PCDHGA3: variants seen among roughly 807,000 people sequenced by gnomAD.
PCDHGA3 encodes protocadherin gamma-A3.
In PCDHGA3, 40 loss-of-function variants were observed where a neutral mutation model predicts 58.5. The observed-to-expected ratio is 0.68, with a 90% confidence interval of 0.53 to 0.89. The LOEUF is 0.89. Ranked by LOEUF, PCDHGA3 falls within the 40% of genes least tolerant of loss-of-function variation. PCDHGA3 has a pLI of 0.00. For synonymous variants in PCDHGA3, 530 were observed against 525.7 expected (o/e 1.01, Z -0.11); for missense variants, 1,223 against 1,195.9 (o/e 1.02, Z -0.33).
At chr5:141,389,147 G>C (rs530113846) in intron 1 of PCDHGA3, 120 of 1,613,986 alleles carry the variant, frequency 7.4e-5, no homozygotes, top group Admixed American at 4.8e-4. Flanking sequence ...TAACCGTTAC[G>C]GCAACAGATC....
Position 141,477,099 on chromosome 5 carries a change from G to C in PCDHGA3, c.2425-17708G>C. On this transcript the variant is annotated intron_variant, in intron 1 of 3. Transcript: ENST00000253812. This position sits in a 1 kb window ranked among gnomAD's most constrained non-coding sequence, Gnocchi z 4.9. ...ATTTACATCCAGGCCAAAGACAAGG[G>C]CGCCAATCCCGAAGGAGCACATTGC... 6.2e-7 allele frequency: 1 copy of C among 1,614,256 alleles called. No individual in the cohort carries two copies. Among genetic ancestry groups the C allele is most frequent in the Non-Finnish European group, 8.5e-7 (1 of 1,180,054 alleles).
rs994726301 is a variant in PCDHGA3, at chr5:141,476,632, T to C, written c.2425-18175T>C. ...TGGGAAGCAACTCTTTACAAACCTA[T>C]GAGCTGAGCCGAAATGAATACTTTG... On this transcript the variant is annotated intron_variant, in intron 1 of 3. Transcript: ENST00000253812. The surrounding 1 kb of genome is among the most constrained non-coding windows in gnomAD (Gnocchi z 7.6). The C allele has an allele frequency of 8.7e-6, 14 of 1,614,098 alleles. No homozygotes were observed. Among genetic ancestry groups the C allele is most frequent in the Admixed American group, 1.7e-5 (1 of 60,016 alleles).
At chr5:141,437,195 A>G (rs2097867163) in intron 1 of PCDHGA3, among the ~76,000 whole-genome samples, 2 of 152,180 alleles carry the variant, frequency 1.3e-5, no homozygotes, top group African/African-American at 4.8e-5. Context: ...ATGGGTTTGG[A>G]TGTGTTTACA....
intron 1 of PCDHGA3, chr5:141,370,522 G>A: frequency 6.2e-7 from 1 of 1,613,884 alleles, no homozygotes; most frequent in Non-Finnish European, 8.5e-7. Context: ...GAGCTGGACA[G>A]GGGCTCGCTG....
chr5:141,452,278 T>C (rs1047687328), intron 1 of PCDHGA3, among the ~76,000 whole-genome samples: 1 of 152,226 alleles, frequency 6.6e-6, no homozygotes, highest in African/African-American at 2.4e-5. Context: ...AACCCTTTCT[T>C]ACTTTCTGAT....
At chr5:141,371,107 ACC>A in intron 1 of PCDHGA3, 1 of 1,613,650 alleles carries the variant, frequency 6.2e-7, no homozygotes, top group Non-Finnish European at 8.5e-7. Context: ...GCAAATGATA[ACC>A]CCCCAGTATT....
At chr5:141,410,105 A>G in intron 1 of PCDHGA3, 1 of 1,612,376 alleles carries the variant, frequency 6.2e-7, no homozygotes, top group South Asian at 1.1e-5. Context: ...CTTAGGCGAC[A>G]GGGACGCAGC....
chr5:141,495,839 A>G (rs2099764148), intron 2 of PCDHGA3, among the ~76,000 whole-genome samples: 1 of 150,756 alleles, frequency 6.6e-6, no homozygotes, highest in South Asian at 2.1e-4. Flanking sequence ...CCCAGCCTCT[A>G]TGTTTCTCTG....
chr5:141,373,042 T>C (rs1415410484), intron 1 of PCDHGA3, among the ~76,000 whole-genome samples: 6 of 152,218 alleles, frequency 3.9e-5, no homozygotes, highest in African/African-American at 1.4e-4. Context: ...TTCTTAATCC[T>C]AATACACTAT....
chr5:141,414,236 C>T, intron 1 of PCDHGA3: 1 of 1,613,456 alleles, frequency 6.2e-7, no homozygotes. Flanking sequence ...CTGACCATCA[C>T]GTCTCTATTT....
At chr5:141,366,925 T>G in intron 1 of PCDHGA3, 1 of 999,204 alleles carries the variant, frequency 1.0e-6, no homozygotes, top group Non-Finnish European at 1.4e-6. Context: ...TCAAATTCTG[T>G]TTTGGGAAGT....
Position 141,432,647 on chromosome 5 carries a change from C to G in PCDHGA3, c.2425-62160C>G, listed in dbSNP as rs747789886. The G allele has an allele frequency of 1.7e-5, 28 of 1,613,678 alleles. No individual in the cohort carries two copies. In the Admixed American group the frequency reaches 4.5e-4, roughly 26 times the overall value. ...GCACACGGGCGAGGTGCGCACGGCG[C>G]GAGCCCTGCTGGACAGAGACGCGCT... On this transcript the variant is annotated intron_variant, in intron 1 of 3. Coordinates refer to ENST00000253812, the MANE Select transcript of PCDHGA3 (RefSeq NM_018916.4). This position sits in a 1 kb window ranked among gnomAD's most constrained non-coding sequence, Gnocchi z 6.0.
chr5:141,422,977 G>A (rs1434523351), intron 1 of PCDHGA3: 1 of 1,614,110 alleles, frequency 6.2e-7, no homozygotes, highest in Non-Finnish European at 8.5e-7. Context: ...CCGCTCTGCG[G>A]AACCTGGCTA....
chr5:141,510,291 A>AG (rs903726285), intron 3 of PCDHGA3, among the ~76,000 whole-genome samples: 1 of 150,450 alleles, frequency 6.6e-6, no homozygotes, highest in African/African-American at 2.4e-5. Context: ...AAAAAAAAAA[A>AG]TGCTGTTTTG....
intron 1 of PCDHGA3, chr5:141,382,822 A>C: frequency 7.6e-7 from 1 of 1,310,696 alleles, no homozygotes; most frequent in Non-Finnish European, 1.1e-6. Context: ...TTCCTAAGAC[A>C]GAGGGGTCCA....
chr5:141,349,800 T>TA (rs1242552516), intron 1 of PCDHGA3, among the ~76,000 whole-genome samples: 5 of 152,168 alleles, frequency 3.3e-5, no homozygotes, highest in Non-Finnish European at 7.3e-5. Flanking sequence ...GATTTTTTTT[T>TA]ACCCCCAAAA....
chr5:141,407,919 C>A, intron 1 of PCDHGA3: 1 of 472,082 alleles, frequency 2.1e-6, no homozygotes, highest in Non-Finnish European at 3.7e-6. Flanking sequence ...GGCTGCTGTC[C>A]CGCACGGAGC....
chr5:141,388,384 T>G, intron 1 of PCDHGA3: 3 of 1,614,014 alleles, frequency 1.9e-6, no homozygotes, highest in Non-Finnish European at 2.5e-6. Context: ...AGCAACACAC[T>G]GCAGAATTAC....
At chr5:141,352,270 C>T in intron 1 of PCDHGA3, 1 of 1,614,072 alleles carries the variant, frequency 6.2e-7, no homozygotes, top group African/African-American at 1.3e-5. Flanking sequence ...TATTGCCAGA[C>T]CTCAGCGACC....
Sources: allele counts gnomAD v4.1 joint callset (sites outside exome capture counted in the v4.1 genomes callset), GRCh38; gene constraint gnomAD v4.1.1; non-coding constraint Gnocchi (gnomAD v3.1); transcripts MANE v1.5; gene names NCBI Gene and HGNC (gene_info 2026-07-23, HGNC 2026-07-21).